CCL23: variants seen among roughly 807,000 people sequenced by gnomAD.
The protein encoded by CCL23 is C-C motif chemokine ligand 23, also known as C-C motif chemokine 23.
CCL23 carries 10 observed loss-of-function variants against 11.8 expected under a neutral mutation model. That is an observed-to-expected ratio of 0.84 (90% confidence interval 0.52 to 1.43). The LOEUF (loss-of-function observed/expected upper bound fraction) is 1.43, where lower values mean the gene tolerates loss of function less well. Among genes scored for constraint, CCL23 ranks in the 40% most tolerant of loss-of-function variants. CCL23 has a pLI of 0.00. For synonymous variants in CCL23, 60 were observed against 61.0 expected, an observed-to-expected ratio of 0.98 and a Z score of 0.07; for missense variants, 181 against 170.9, an observed-to-expected ratio of 1.06 and a Z score of -0.33.
rs747239007 is a variant in CCL23 at position 36,013,207 on chromosome 17, C to G, written c.404G>C (p.Arg135Thr). Reference sequence around the variant, plus strand: ...TTCACCTTGACAAGTTCAATTCTTCCTGGTCTTGATCCGTGTGTCCAGCTT... The same window carrying G: ...TTCACCTTGACAAGTTCAATTCTTCGTGGTCTTGATCCGTGTGTCCAGCTT... ...MLKLDTRIKTRKN is the reference protein window; with the variant it reads ...MLKLDTRIKTTKN The change falls in exon 4 of 4, where the codon AGG becomes ACG. Residue 135 changes from arginine (R) to threonine (T), a missense_variant. Physicochemically the swap from Arg to Thr is moderately conservative, Grantham distance 71. Coordinates refer to ENST00000615050, the MANE Select transcript of CCL23 (RefSeq NM_005064.6). 1 of 1,608,524 alleles carries G rather than the reference C, an allele frequency of 6.2e-7. No homozygotes were observed. Among genetic ancestry groups the G allele is most frequent in the Non-Finnish European group, 8.5e-7 (1 of 1,174,862 alleles).
intron 1 of CCL23, 22 bp from the exon 2 acceptor site, chr17:36,014,415 G>T (rs200275012): frequency 8.7e-6 from 14 of 1,600,990 alleles, no homozygotes; most frequent in Non-Finnish European, 1.2e-5. Flanking sequence ...AGACAGGACA[G>T]GGAAGGAAAT....
In CCL23 at chr17:36,014,248, A is replaced by G. The variant is rs2090080782; in HGVS notation, c.136+86T>C. The G allele has an allele frequency of 1.9e-5, 20 of 1,030,896 alleles. No individual in the cohort carries two copies. In the South Asian group the frequency reaches 2.2e-4, roughly 11 times the overall value. 63.9% of individuals were successfully genotyped at this position (1,030,896 alleles called of 1,614,324 possible). A position where few individuals can be genotyped will look rare whatever the true frequency, so the allele number is the denominator to read the frequency against. Reference sequence around the variant, plus strand: ...CTCAGGACCCTCTCATTCTCCTCCCATTCTGTAAACAGGGACAATGGATCC... The same window carrying G: ...CTCAGGACCCTCTCATTCTCCTCCCGTTCTGTAAACAGGGACAATGGATCC... On this transcript the variant is annotated intron_variant, in intron 2 of 3. Coordinates refer to ENST00000615050, the MANE Select transcript of CCL23 (RefSeq NM_005064.6).
chr17:36,013,382 C>A, intron 3 of CCL23, 74 bp from the exon 4 acceptor site: 1 of 877,474 alleles, frequency 1.1e-6, no homozygotes, highest in Admixed American at 2.3e-5. Flanking sequence ...CCCATTCTCC[C>A]TGCCCCTCAG....
rs756982491 is a variant in CCL23, at chr17:36,013,414, GT to G, written c.303-107del. ...TCAGATTTCCCAGTCAATATAGCCA[GT>G]TTTTTTTTCTTTTTTTTTTCATTCT... On this transcript the variant is annotated intron_variant, in intron 3 of 3. Coordinates refer to ENST00000615050, the MANE Select transcript of CCL23 (RefSeq NM_005064.6). 168 of 673,094 alleles carry G rather than the reference GT, an allele frequency of 2.5e-4. 1 individual carries two copies. The East Asian group carries it at 3.0e-3, about 12-fold the overall frequency. 41.7% of individuals were successfully genotyped at this position (673,094 alleles called of 1,614,324 possible). A position where few individuals can be genotyped will look rare whatever the true frequency, so the allele number is the denominator to read the frequency against.
In CCL23 at chr17:36,017,832, C is replaced by G. The variant is rs138184965; in HGVS notation, c.66G>C (p.Arg22=). The change falls in exon 1 of 4, where the codon CGG becomes CGC. Residue 22 remains arginine (R), a synonymous_variant. Transcript: ENST00000615050. ...GCTCACTGGACTCACCTTTTGTGAC[C>G]CGGGCCTGGGATCCAAGGGCAGTAA... ...MLVTALGSQA[R]VTKDAETEFM... 10 of 1,613,974 alleles carry G rather than the reference C, an allele frequency of 6.2e-6. No individual in the cohort carries two copies. The highest frequency in any genetic ancestry group is 7.6e-6 in the Non-Finnish European group (9 of 1,179,988).
intron 1 of CCL23, among the ~76,000 whole-genome samples, chr17:36,015,958 C>A (rs1048949157): frequency 1.3e-5 from 2 of 151,738 alleles, no homozygotes; most frequent in Non-Finnish European, 2.9e-5. Context: ...GCAGGAGAAT[C>A]GTTTGAACCC....
In CCL23 at chr17:36,013,957, C is replaced by T. The variant is rs768179410; in HGVS notation, c.137-48G>A. 19 of 1,572,854 alleles carry T rather than the reference C, an allele frequency of 1.2e-5. No homozygotes were observed. In the East Asian group the frequency reaches 4.3e-4, roughly 35 times the overall value. On this transcript the variant is annotated intron_variant, in intron 2 of 3. Transcript: ENST00000615050. ...TGGCTCAGAAGAGATGTTTCCTCCT[C>T]CGTGACCAGCACTTGCTGGCATCTC... is the stretch of plus-strand genomic sequence containing the variant.
chr17:36,014,424 A>G (rs760460048), intron 1 of CCL23, 31 bp from the exon 2 acceptor site: 3 of 1,570,532 alleles, frequency 1.9e-6, no homozygotes, highest in East Asian at 2.2e-5. Flanking sequence ...AGGGAAGGAA[A>G]TCACTGGGCG....
At chr17:36,014,503 A>G (rs2090083920) in intron 1 of CCL23, 110 bp from the exon 2 acceptor site, 3 of 821,246 alleles carry the variant, frequency 3.7e-6, no homozygotes, top group Non-Finnish European at 6.3e-6. Flanking sequence ...AGGTCCCTGA[A>G]GCTGGACCAC....
rs753766586 is a variant in CCL23, at chr17:36,017,877, G to A, written c.21C>T (p.Ala7=). ...CAGTAACAAGCATGAGGCAGGAGAG[G>A]GCAGCCACGGAGACCTTCATCCTCC... MKVSVA[A]LSCLMLVTAL... is the part of the protein sequence containing the mutation. The change falls in exon 1 of 4, where the codon GCC becomes GCT. Residue 7 remains alanine (A), a synonymous_variant. Coordinates refer to ENST00000615050, the MANE Select transcript of CCL23 (RefSeq NM_005064.6). 1 of 1,613,854 alleles carries A rather than the reference G, an allele frequency of 6.2e-7. No individual in the cohort carries two copies. The highest frequency in any genetic ancestry group is 1.3e-5 in the African/African-American group (1 of 74,910).
Position 36,014,382 on chromosome 17 carries a change from C to T in CCL23, c.88G>A (p.Glu30Lys), listed in dbSNP as rs771329185. The T allele has an allele frequency of 1.3e-5, 21 of 1,613,350 alleles. No homozygotes were observed. Among genetic ancestry groups the T allele is most frequent in the Middle Eastern group, 3.3e-4 (2 of 6,084 alleles). Residue 30 changes from glutamate to lysine, a missense_variant, in exon 2 of 4, where the codon GAG (glutamate) becomes AAG (lysine). Transcript: ENST00000615050. The stretch of plus-strand genomic sequence containing the variant: ...AATGGAAGCTTTGACATCATGAACT[C>T]TGTCTCTGCATCTGGAAGAAGCAGA... The part of the protein sequence containing the change: ...QARVTKDAET[E>K]FMMSKLPLEN...
chr17:36,016,664 T>C (rs574531109), intron 1 of CCL23, among the ~76,000 whole-genome samples: 7 of 151,166 alleles, frequency 4.6e-5, no homozygotes, highest in African/African-American at 1.2e-4. Flanking sequence ...ATATAATATA[T>C]GTGTACTTTT....
At chr17:36,017,194 C>A (rs2090104091) in intron 1 of CCL23, among the ~76,000 whole-genome samples, 2 of 151,988 alleles carry the variant, frequency 1.3e-5, no homozygotes, top group African/African-American at 4.8e-5. Context: ...ATATGAAAAA[C>A]CATATAAAAG....
chr17:36,014,374 C>T lies in CCL23; in HGVS notation c.96G>A (p.Met32Ile). Reference sequence around the variant, plus strand: ...GATTTTCCAATGGAAGCTTTGACATCATGAACTCTGTCTCTGCATCTGGAA... The same window carrying T: ...GATTTTCCAATGGAAGCTTTGACATTATGAACTCTGTCTCTGCATCTGGAA... The part of the protein sequence containing the change: ...RVTKDAETEF[M>I]MSKLPLENPV... Residue 32 changes from methionine to isoleucine, a missense_variant, in exon 2 of 4, where the codon ATG (methionine) becomes ATA (isoleucine). By Grantham distance (10) the Met-to-Ile change is conservative. Coordinates refer to ENST00000615050, the MANE Select transcript of CCL23 (RefSeq NM_005064.6). 2 of 1,613,520 alleles carry T rather than the reference C, an allele frequency of 1.2e-6. No individual in the cohort carries two copies. The highest frequency in any genetic ancestry group is 1.1e-5 in the South Asian group (1 of 91,074).
At position 36,013,312 on chromosome 17, in the gene CCL23, G is replaced by A; in HGVS notation, c.303-4C>T. ...TCGCCCCTTCTTGGTGAGGAAGCTA[G>A]GGAACAAGGGGGAGAAAAGTTACAA... On this transcript the variant is annotated splice_region_variant and splice_polypyrimidine_tract_variant and intron_variant, in intron 3 of 3. Transcript: ENST00000615050. 1 of 1,590,116 alleles carries A rather than the reference G, an allele frequency of 6.3e-7. No homozygotes were observed. The highest frequency in any genetic ancestry group is 8.6e-7 in the Non-Finnish European group (1 of 1,158,912).
At chr17:36,016,893 A>G (rs1025096454) in intron 1 of CCL23, among the ~76,000 whole-genome samples, 1 of 151,886 alleles carries the variant, frequency 6.6e-6, no homozygotes, top group Non-Finnish European at 1.5e-5. Flanking sequence ...AGACTTGGCA[A>G]TAACGATTCA....
intron 1 of CCL23, 104 bp from the exon 2 acceptor site, chr17:36,014,497 C>A: frequency 2.3e-6 from 2 of 885,520 alleles, no homozygotes; most frequent in Non-Finnish European, 3.7e-6. Flanking sequence ...GCAGAAAGGT[C>A]CCTGAAGCTG....
At chr17:36,015,200 C>T (rs2090089012) in intron 1 of CCL23, among the ~76,000 whole-genome samples, 1 of 152,168 alleles carries the variant, frequency 6.6e-6, no homozygotes, top group African/African-American at 2.4e-5. Context: ...TGGAATCATA[C>T]ACTATTTGTC....
At chr17:36,014,138 G>A (rs564726809) in intron 2 of CCL23, among the ~76,000 whole-genome samples, 196 bp downstream of exon 2, 1 of 152,288 alleles carries the variant, frequency 6.6e-6, no homozygotes, top group Admixed American at 6.5e-5. Context: ...GCAGACTCTT[G>A]GGGCAGCCAG....
Sources: gnomAD v4.1 joint callset for allele counts (sites outside exome capture counted in the v4.1 genomes callset) on GRCh38, gnomAD v4.1.1 for gene constraint, MANE v1.5 for transcripts, NCBI Gene and HGNC (gene_info 2026-07-23, HGNC 2026-07-21) for gene names.